ANKRD30A: variants seen among roughly 807,000 people sequenced by gnomAD.
The protein encoded by ANKRD30A is ankyrin repeat domain-containing protein 30A.
Under a neutral mutation model 166.3 loss-of-function variants are expected in ANKRD30A, and 170 were observed. That is an observed-to-expected ratio of 1.02 (90% CI 0.90 to 1.16). The LOEUF (loss-of-function observed/expected upper bound fraction) is 1.16, where lower values mean the gene tolerates loss of function less well. ANKRD30A is among the 50% of genes most tolerant of loss of function. The probability of loss-of-function intolerance (pLI) is 0.00; values close to 1 mark genes in which losing one functional copy is unlikely to be tolerated. For missense variants in ANKRD30A, 1,630 were observed against 1,518.0 expected, an observed-to-expected ratio of 1.07 and a Z score of -1.23; for synonymous variants, 564 against 508.9, an observed-to-expected ratio of 1.11 and a Z score of -1.46.
At chr10:37,150,931 A>G (rs1299858067) in intron 11 of ANKRD30A, among the ~76,000 whole-genome samples, 5 of 151,842 alleles carry the variant, frequency 3.3e-5, no homozygotes, top group Non-Finnish European at 5.9e-5. Flanking sequence ...TCTTAGAGCT[A>G]TGGTGTGGCA....
chr10:37,230,898 TCA>T (rs1474357882), intron 34 of ANKRD30A, among the ~76,000 whole-genome samples: 1 of 152,110 alleles, frequency 6.6e-6, no homozygotes, highest in Non-Finnish European at 1.5e-5. Flanking sequence ...GATGCCTTGG[TCA>T]CAATGTTAGT....
At chr10:37,144,860 G>A in intron 7 of ANKRD30A, 135 bp from the exon 8 acceptor site, 1 of 380,740 alleles carries the variant, frequency 2.6e-6, no homozygotes, top group South Asian at 5.6e-5. Context: ...AAGTGGTTGT[G>A]GTTATCTACC....
intron 31 of ANKRD30A, among the ~76,000 whole-genome samples, chr10:37,211,847 C>T (rs1261057414): frequency 6.6e-6 from 1 of 152,036 alleles, no homozygotes; most frequent in African/African-American, 2.4e-5. Flanking sequence ...GAGATGGTAT[C>T]TCATTGTGGT....
At chr10:37,133,744 TGA>T (rs1216294444) in intron 4 of ANKRD30A, among the ~76,000 whole-genome samples, 170 bp from the exon 5 acceptor site, 2 of 152,236 alleles carry the variant, frequency 1.3e-5, no homozygotes, top group Non-Finnish European at 2.9e-5. Flanking sequence ...CCGTGGGACA[TGA>T]ATCTTTTTGC....
chr10:37,265,841 A>G, the ANKRD30A span, among the ~76,000 whole-genome samples: 1 of 152,238 alleles, frequency 6.6e-6, no homozygotes, highest in Admixed American at 6.5e-5. Context: ...GCTGTCTGCT[A>G]TCTCTGCCTC....
At position 37,219,483 on chromosome 10, in the gene ANKRD30A, A is replaced by G. The variant is rs781547910; in HGVS notation, c.3771A>G (p.Gln1257=). 1 of 1,610,312 alleles carries G rather than the reference A, an allele frequency of 6.2e-7. No individual in the cohort carries two copies. The highest frequency in any genetic ancestry group is 1.1e-5 in the South Asian group (1 of 90,962). ...TCCATCAACCACTTTCTGAAGCTCAAAGGAAATCCAAAAGCCTAAAAATTA... is the reference window on the plus strand; with the variant it reads ...TCCATCAACCACTTTCTGAAGCTCAGAGGAAATCCAAAAGCCTAAAAATTA... ...EVLHQPLSEA[Q]RKSKSLKINL... The change falls in exon 34 of 36, where the codon CAA becomes CAG. Residue 1257 remains glutamine (Q), a synonymous_variant. Coordinates refer to ENST00000361713, the MANE Select transcript of ANKRD30A (RefSeq NM_052997.3).
At chr10:37,203,737 C>T (rs1841804236) in intron 31 of ANKRD30A, among the ~76,000 whole-genome samples, 1 of 152,128 alleles carries the variant, frequency 6.6e-6, no homozygotes, top group African/African-American at 2.4e-5. Context: ...TTAGAAAACC[C>T]CATTGTCTCA....
intron 29 of ANKRD30A, among the ~76,000 whole-genome samples, chr10:37,197,971 C>T (rs1414005843): frequency 7.9e-5 from 12 of 151,624 alleles, no homozygotes; most frequent in Admixed American, 2.0e-4. Flanking sequence ...TGTGTGTCTG[C>T]GTGTGTGCCT....
the ANKRD30A span, among the ~76,000 whole-genome samples, chr10:37,259,538 A>G: frequency 6.6e-6 from 1 of 152,234 alleles, no homozygotes; most frequent in African/African-American, 2.4e-5. Context: ...TGTGTACCAA[A>G]AGAATGTTCA....
At chr10:37,197,080 G>A (rs1006875084) in intron 27 of ANKRD30A, among the ~76,000 whole-genome samples, 2 of 152,106 alleles carry the variant, frequency 1.3e-5, no homozygotes, top group African/African-American at 4.8e-5. Flanking sequence ...TGCATGATCT[G>A]TGAAACCTGT....
intron 31 of ANKRD30A, among the ~76,000 whole-genome samples, chr10:37,213,656 G>T (rs1324069438): frequency 6.7e-6 from 1 of 149,210 alleles, no homozygotes; most frequent in Non-Finnish European, 1.5e-5. Flanking sequence ...TAATTTAAGT[G>T]CTGTTGTAGA....
At position 37,199,657 on chromosome 10, in the gene ANKRD30A, T is replaced by A. The variant is rs1841459180; in HGVS notation, c.2717-70T>A. 7.8e-6 allele frequency: 8 copies of A among 1,027,302 alleles called. No homozygotes were observed. The South Asian group carries it at 1.1e-4, about 14-fold the overall frequency. The allele number at this position is 1,027,302 out of a possible 1,614,324, so 63.6% of individuals were successfully genotyped here. On this transcript the variant is annotated intron_variant, in intron 29 of 35. Transcript: ENST00000361713. ...CACAGATTCGTGAATGAAAGTAGATTTGTATATGTTTTTAAAATGTATAGT... is the reference window on the plus strand; with the variant it reads ...CACAGATTCGTGAATGAAAGTAGATATGTATATGTTTTTAAAATGTATAGT...
chr10:37,264,495 A>G, the ANKRD30A span: 24 of 275,436 alleles, frequency 8.7e-5, no homozygotes, highest in Non-Finnish European at 1.6e-4. Context: ...ATGCCAGCCA[A>G]GAAGCCCTGT....
chr10:37,183,548 T>G (rs1450333095), intron 24 of ANKRD30A, among the ~76,000 whole-genome samples: 6 of 147,058 alleles, frequency 4.1e-5, no homozygotes, highest in African/African-American at 1.5e-4. Context: ...AAATTTTGTT[T>G]ATAATGAAAA....
intron 15 of ANKRD30A, 46 bp downstream of exon 15, chr10:37,158,632 A>C: frequency 6.2e-7 from 1 of 1,600,118 alleles, no homozygotes; most frequent in Non-Finnish European, 8.5e-7. Context: ...AGAATATTAA[A>C]ATATTTGAAA....
chr10:37,237,697 A>G, the ANKRD30A span, among the ~76,000 whole-genome samples: 1 of 152,230 alleles, frequency 6.6e-6, no homozygotes, highest in Non-Finnish European at 1.5e-5. Flanking sequence ...AAATTAGGTT[A>G]GCAGTTTATT....
chr10:37,150,565 T>C (rs2132554904), intron 11 of ANKRD30A, among the ~76,000 whole-genome samples: 1 of 152,264 alleles, frequency 6.6e-6, no homozygotes, highest in African/African-American at 2.4e-5. Flanking sequence ...ATATTTAATA[T>C]GTACAATTTT....
In ANKRD30A at chr10:37,183,106, C is replaced by A. The variant is rs1231246922; in HGVS notation, c.2422-6361C>A. Among the ~76,000 whole-genome samples, 3 of 149,348 alleles carry A rather than the reference C, an allele frequency of 2.0e-5. No homozygotes were observed. In the East Asian group the frequency reaches 6.0e-4, roughly 30 times the overall value. On this transcript the variant is annotated intron_variant, in intron 24 of 35. Transcript: ENST00000361713. ...CGACATTAAATGGCAGCTGATATCA[C>A]AGAGCTTTTACTGAAGTGGGAGTAT...
At chr10:37,223,520 G>A (rs1308704345) in intron 34 of ANKRD30A, among the ~76,000 whole-genome samples, 1 of 151,204 alleles carries the variant, frequency 6.6e-6, no homozygotes, top group Non-Finnish European at 1.5e-5. Flanking sequence ...AAACCAAAAT[G>A]TAAATATAAC....
Sources: allele counts gnomAD v4.1 joint callset (sites outside exome capture counted in the v4.1 genomes callset), GRCh38; gene constraint gnomAD v4.1.1; transcripts MANE v1.5; gene names NCBI Gene and HGNC (gene_info 2026-07-23, HGNC 2026-07-21).